The following UBE2H variants were observed in gnomAD, a reference collection of about 807,000 sequenced individuals.
UBE2H encodes ubiquitin conjugating enzyme E2 H.
Under a neutral mutation model 29.0 loss-of-function variants are expected in UBE2H, and 3 were observed. The ratio of observed to expected loss-of-function variants is 0.10; its 90% CI spans 0.05 to 0.27. UBE2H has a LOEUF of 0.27. UBE2H is among the 10% of genes least tolerant of loss of function. The pLI is 1.00. For missense variants in UBE2H, 68 were observed against 228.2 expected (o/e 0.30, Z 4.52); for synonymous variants, 69 against 82.9 (o/e 0.83, Z 0.91).
chr7:129,859,259 C>A (rs1468864595), intron 3 of UBE2H, among the ~76,000 whole-genome samples: 2 of 152,078 alleles, frequency 1.3e-5, no homozygotes, highest in Non-Finnish European at 2.9e-5. Flanking sequence ...TGGTTCATAG[C>A]CAGTGTCATG....
chr7:129,900,864 C>CCTCAGCCT (rs1806699088), intron 1 of UBE2H, among the ~76,000 whole-genome samples: 1 of 151,716 alleles, frequency 6.6e-6, no homozygotes, highest in South Asian at 2.1e-4. Flanking sequence ...CATTCTCCTG[C>CCTCAGCCT]CTCAGCCTCC....
intron 1 of UBE2H, among the ~76,000 whole-genome samples, chr7:129,887,306 C>T (rs1249115313): frequency 3.3e-5 from 5 of 150,774 alleles, no homozygotes; most frequent in African/African-American, 4.9e-5. Flanking sequence ...ACCACAACCT[C>T]GGCCTCCCAG....
At chr7:129,902,498 TCAAA>T (rs1474572152) in intron 1 of UBE2H, among the ~76,000 whole-genome samples, 2 of 152,090 alleles carry the variant, frequency 1.3e-5, no homozygotes, top group African/African-American at 2.4e-5. Flanking sequence ...AGACTCCATC[TCAAA>T]CAAACAAAAA....
At chr7:129,913,433 C>A (rs1806980345) in intron 1 of UBE2H, among the ~76,000 whole-genome samples, 1 of 152,076 alleles carries the variant, frequency 6.6e-6, no homozygotes, top group Non-Finnish European at 1.5e-5. Flanking sequence ...TGACCTGTTA[C>A]AAAAGGTCCT....
chr7:129,879,786 A>C, intron 2 of UBE2H, 144 bp from the exon 3 acceptor site: 1 of 673,944 alleles, frequency 1.5e-6, no homozygotes, highest in East Asian at 2.6e-5. Flanking sequence ...TACAATCAAT[A>C]GGTGTACCAC....
chr7:129,941,844 T>G (rs1807651916), intron 1 of UBE2H, among the ~76,000 whole-genome samples: 1 of 152,176 alleles, frequency 6.6e-6, no homozygotes, highest in Admixed American at 6.6e-5. Flanking sequence ...CTAATTTTAT[T>G]ATGGCAGTGT....
intron 3 of UBE2H, among the ~76,000 whole-genome samples, chr7:129,864,552 C>CTT (rs757244811): frequency 0.098 from 7,349 of 74,932 alleles, 286 homozygotes; most frequent in Non-Finnish European, 0.14. Context: ...TTTTTCTTTT[C>CTT]TTTCTTTTTT....
chr7:129,925,027 C>T (rs1330209990), intron 1 of UBE2H, among the ~76,000 whole-genome samples: 2 of 152,076 alleles, frequency 1.3e-5, no homozygotes, highest in Non-Finnish European at 2.9e-5. Flanking sequence ...GCCCAGTCCC[C>T]CAGCAAAGCA....
chr7:129,870,004 T>C (rs1805996239), intron 3 of UBE2H, among the ~76,000 whole-genome samples: 1 of 152,200 alleles, frequency 6.6e-6, no homozygotes, highest in African/African-American at 2.4e-5. Flanking sequence ...CCTAACTCTC[T>C]CCTCTAGTTC....
At chr7:129,894,524 G>A (rs1310934943) in intron 1 of UBE2H, among the ~76,000 whole-genome samples, 2 of 81,882 alleles carry the variant, frequency 2.4e-5, no homozygotes, top group African/African-American at 1.0e-4. Flanking sequence ...TTTTGCTCTT[G>A]TTGCCCAAGC....
chr7:129,948,535 A>G (rs1223358184), intron 1 of UBE2H, among the ~76,000 whole-genome samples: 1 of 152,186 alleles, frequency 6.6e-6, no homozygotes, highest in Non-Finnish European at 1.5e-5. Context: ...GCCCTGGGCC[A>G]GGTGCACTGG....
rs1157137817 is a variant in UBE2H, at chr7:129,904,227, A to C, written c.54-23256T>G. On this transcript the variant is annotated intron_variant, in intron 1 of 6. Coordinates refer to ENST00000355621, the MANE Select transcript of UBE2H (RefSeq NM_003344.4). ...TTTGCAATGGCTATTTCTTCTGCCC[A>C]GCCCTGATTTCCCTGTTTTGACAGA... Among the ~76,000 whole-genome samples, 3 of 151,888 alleles carry C rather than the reference A, an allele frequency of 2.0e-5. No individual in the cohort carries two copies. In the East Asian group the frequency reaches 5.8e-4, roughly 29 times the overall value.
intron 1 of UBE2H, among the ~76,000 whole-genome samples, chr7:129,939,170 TG>T (rs2116513098): frequency 6.6e-6 from 1 of 152,270 alleles, no homozygotes; most frequent in Admixed American, 6.5e-5. Context: ...TAAAAGTGAC[TG>T]TTTTTTTAAT....
intron 5 of UBE2H, among the ~76,000 whole-genome samples, chr7:129,854,073 T>TTTTTATTTTTTTTA: frequency 6.7e-6 from 1 of 150,100 alleles, no homozygotes; most frequent in South Asian, 2.1e-4. Context: ...TTTTTTTTTT[T>TTTTTATTTTTTTTA]TTTTTTTTTG....
chr7:129,898,239 G>A (rs959156211), intron 1 of UBE2H, among the ~76,000 whole-genome samples: 3 of 152,162 alleles, frequency 2.0e-5, no homozygotes, highest in East Asian at 1.9e-4. Context: ...ACTAACAGGT[G>A]ATAGATCTCA....
At chr7:129,941,821 T>C (rs758408114) in intron 1 of UBE2H, among the ~76,000 whole-genome samples, 1 of 152,116 alleles carries the variant, frequency 6.6e-6, no homozygotes, top group Non-Finnish European at 1.5e-5. Context: ...CAACAACTAT[T>C]ACAAATCAAT....
Position 129,901,591 on chromosome 7 carries a change from C to A in UBE2H, c.54-20620G>T, listed in dbSNP as rs1044451792. Among the ~76,000 whole-genome samples the A allele has an allele frequency of 9.9e-5, 15 of 152,176 alleles. No homozygotes were observed. In the South Asian group the frequency reaches 1.7e-3, roughly 17 times the overall value. On this transcript the variant is annotated intron_variant, in intron 1 of 6. Transcript: ENST00000355621. ...AAAGACTCAAGAATATCTGATATTT[C>A]CAATCTAGTAGATGATGACACTTTC...
intron 1 of UBE2H, among the ~76,000 whole-genome samples, chr7:129,918,746 A>G (rs1466565180): frequency 6.6e-6 from 1 of 152,184 alleles, no homozygotes; most frequent in Non-Finnish European, 1.5e-5. Flanking sequence ...CAGCCTATAC[A>G]ATGTAGACCC....
At chr7:129,905,765 C>T (rs955871753) in intron 1 of UBE2H, among the ~76,000 whole-genome samples, 1 of 152,092 alleles carries the variant, frequency 6.6e-6, no homozygotes, top group African/African-American at 2.4e-5. Flanking sequence ...GATGGTAATA[C>T]CATTCAGCAA....
Sources: gnomAD v4.1 joint callset for allele counts (sites outside exome capture counted in the v4.1 genomes callset) on GRCh38, gnomAD v4.1.1 for gene constraint, MANE v1.5 for transcripts, NCBI Gene and HGNC (gene_info 2026-07-23, HGNC 2026-07-21) for gene names.